The following HYDIN variants were observed in gnomAD, a reference collection of about 807,000 sequenced individuals.
HYDIN encodes HYDIN axonemal central pair apparatus protein, also known as axonemal central pair apparatus protein HYDIN.
Under a neutral mutation model 403.9 loss-of-function variants are expected in HYDIN, and 132 were observed. The ratio of observed to expected loss-of-function variants is 0.33; its 90% CI spans 0.28 to 0.38. The LOEUF (loss-of-function observed/expected upper bound fraction) is 0.38. Among genes scored for constraint, HYDIN ranks in the 10% least tolerant of loss-of-function variants. The pLI is 1.00. For synonymous variants in HYDIN, 1,202 were observed against 1,891.7 expected, an observed-to-expected ratio of 0.64 and a Z score of 9.46; for missense variants, 2,827 against 5,009.5, an observed-to-expected ratio of 0.56 and a Z score of 13.15.
chr16:71,047,486 C>T (rs370359157), intron 18 of HYDIN, among the ~76,000 whole-genome samples: 1 of 151,990 alleles, frequency 6.6e-6, no homozygotes, highest in African/African-American at 2.4e-5. Flanking sequence ...AAGCACAAAC[C>T]TTTGCTTCTG....
intron 1 of HYDIN, among the ~76,000 whole-genome samples, chr16:71,189,672 C>T (rs2087326018): frequency 6.7e-6 from 1 of 150,206 alleles, no homozygotes; most frequent in African/African-American, 2.5e-5. Flanking sequence ...GAGGCTGAGG[C>T]AGGAGAATCA....
At chr16:70,843,106 T>C (rs1477726019) in intron 75 of HYDIN, among the ~76,000 whole-genome samples, 1 of 150,732 alleles carries the variant, frequency 6.6e-6, no homozygotes, top group African/African-American at 2.5e-5. Flanking sequence ...GTTAGTTACA[T>C]ATGTATACAT....
At position 70,872,199 on chromosome 16, in the gene HYDIN, G is replaced by A; in HGVS notation, c.10949-20C>T. Reference sequence around the variant, plus strand: ...GAGCAGCTAGGGATTAGAAGCAGAAGGCTGTGAGTCCTCCCTGGCCTCCCC... The same window carrying A: ...GAGCAGCTAGGGATTAGAAGCAGAAAGCTGTGAGTCCTCCCTGGCCTCCCC... On this transcript the variant is annotated intron_variant, in intron 64 of 85. Transcript: ENST00000393567. 1 of 1,239,974 alleles carries A rather than the reference G, an allele frequency of 8.1e-7. No individual in the cohort carries two copies. The highest frequency in any genetic ancestry group is 1.5e-5 in the South Asian group (1 of 68,378). 76.8% of individuals were successfully genotyped at this position (1,239,974 alleles called of 1,614,324 possible). A position where few individuals can be genotyped will look rare whatever the true frequency, so the allele number is the denominator to read the frequency against.
At chr16:71,186,739 T>C (rs368822396) in intron 2 of HYDIN, 22 bp downstream of exon 2, 8 of 1,597,224 alleles carry the variant, frequency 5.0e-6, no homozygotes, top group East Asian at 4.5e-5. Context: ...GTATTTTACA[T>C]ATTAATTCCC....
rs1474827814 is a variant in HYDIN, at chr16:70,804,852, GAC to G, written c.*2726_*2727del. On this transcript the variant is annotated 3_prime_UTR_variant, in exon 86 of 86. Transcript: ENST00000393567. Reference sequence around the variant, plus strand: ...TGATCACTTTTATAAAATGTATATGGACAGCTTCAGTGGCTTGGGGAAGCACT... The same window carrying G: ...TGATCACTTTTATAAAATGTATATGGAGCTTCAGTGGCTTGGGGAAGCACT... Among the ~76,000 whole-genome samples the G allele has an allele frequency of 1.3e-5, 2 of 152,164 alleles. No homozygotes were observed. The highest frequency in any genetic ancestry group is 4.8e-5 in the African/African-American group (2 of 41,444).
chr16:70,875,510 T>C (rs1042668570), intron 62 of HYDIN, among the ~76,000 whole-genome samples: 28 of 152,098 alleles, frequency 1.8e-4, no homozygotes, highest in African/African-American at 6.0e-4. Context: ...CAGGCATTGT[T>C]AGAAGACAGT....
At chr16:71,189,417 C>T (rs1041363035) in intron 1 of HYDIN, among the ~76,000 whole-genome samples, 1 of 152,150 alleles carries the variant, frequency 6.6e-6, no homozygotes, top group African/African-American at 2.4e-5. Flanking sequence ...CCTTGCTGTA[C>T]ATCCAGCTGG....
chr16:71,063,486 C>T (rs1359792006), intron 16 of HYDIN, among the ~76,000 whole-genome samples: 1 of 152,212 alleles, frequency 6.6e-6, no homozygotes, highest in East Asian at 1.9e-4. Context: ...AGGCAAGTGC[C>T]TCATCCTATG....
rs1467915893 is a variant in HYDIN at position 70,974,252 on chromosome 16, G to T, written c.4958C>A (p.Thr1653Lys). The change falls in exon 33 of 86, where the codon ACG becomes AAG. Residue 1653 changes from threonine (T) to lysine (K), a missense_variant. Coordinates refer to ENST00000393567, the MANE Select transcript of HYDIN (RefSeq NM_001270974.2). ...GTCAAATCTCACTTCAAATATTTCC[G>T]TTTCACAATGAGGTAGATTCTTTAC... ...DRVKNLPHCE[T>K]EIFEVRFDPQ... is the part of the protein sequence containing the mutation. The T allele has an allele frequency of 3.1e-6, 5 of 1,611,258 alleles. No individual in the cohort carries two copies. The highest frequency in any genetic ancestry group is 4.2e-6 in the Non-Finnish European group (5 of 1,178,688).
chr16:71,202,136 T>C (rs2088051512), intron 1 of HYDIN, among the ~76,000 whole-genome samples: 1 of 152,206 alleles, frequency 6.6e-6, no homozygotes, highest in African/African-American at 2.4e-5. Context: ...GAGCACAAAG[T>C]GAGAACACCT....
intron 10 of HYDIN, among the ~76,000 whole-genome samples, chr16:71,097,459 T>G (rs1043000405): frequency 2.3e-5 from 3 of 131,718 alleles, no homozygotes; most frequent in Non-Finnish European, 4.6e-5. Flanking sequence ...AAAAACAGAC[T>G]CTAAAAAATA....
At chr16:71,179,633 G>A (rs868694190) in intron 3 of HYDIN, among the ~76,000 whole-genome samples, 62 of 152,202 alleles carry the variant, frequency 4.1e-4, no homozygotes, top group African/African-American at 1.4e-3. Context: ...TGGGATGTGT[G>A]CCCTGGTTGG....
At chr16:70,808,132 C>T (rs536596269) in intron 85 of HYDIN, 70 bp from the exon 86 acceptor site, 1 of 1,512,196 alleles carries the variant, frequency 6.6e-7, no homozygotes. Flanking sequence ...CAAGTCTACC[C>T]CAGCCCCTCC....
intron 10 of HYDIN, among the ~76,000 whole-genome samples, chr16:71,095,452 T>C (rs11860767): frequency 0.08 from 11,786 of 147,754 alleles, 1,364 homozygotes; most frequent in African/African-American, 0.28. Context: ...CAAAGAAAAG[T>C]AATTCTAAAT....
chr16:71,048,937 T>A (rs1243387820), intron 18 of HYDIN, among the ~76,000 whole-genome samples: 1 of 152,144 alleles, frequency 6.6e-6, no homozygotes, highest in African/African-American at 2.4e-5. Flanking sequence ...CTTTTGTAAG[T>A]GTTCATGTGA....
At chr16:71,050,027 GGT>G (rs369332510) in intron 18 of HYDIN, among the ~76,000 whole-genome samples, 27 of 146,926 alleles carry the variant, frequency 1.8e-4, no homozygotes, top group Admixed American at 2.7e-4. Context: ...CACTGGTTGG[GGT>G]GTGTGTGTGT....
chr16:70,817,185 CA>C (rs1220859868), intron 84 of HYDIN: 1 of 151,526 alleles, frequency 6.6e-6, no homozygotes, highest in East Asian at 1.9e-4. Context: ...AGCAGTTTAT[CA>C]GATTAGTAAC....
intron 73 of HYDIN, among the ~76,000 whole-genome samples, chr16:70,854,500 T>C (rs1363294736): frequency 2.0e-5 from 3 of 152,172 alleles, no homozygotes; most frequent in Non-Finnish European, 2.9e-5. Flanking sequence ...TTGCAACCTA[T>C]GCCTCCCGGG....
At chr16:71,146,247 T>C (rs1230591520) in intron 7 of HYDIN, among the ~76,000 whole-genome samples, 1 of 151,756 alleles carries the variant, frequency 6.6e-6, no homozygotes, top group African/African-American at 2.4e-5. Context: ...TAAAATCTTG[T>C]GATACAGTGA....
Sources: allele counts gnomAD v4.1 joint callset (sites outside exome capture counted in the v4.1 genomes callset), GRCh38; gene constraint gnomAD v4.1.1; transcripts MANE v1.5; gene names NCBI Gene and HGNC (gene_info 2026-07-23, HGNC 2026-07-21).